AGPAT5: variants seen among roughly 807,000 people sequenced by gnomAD.
AGPAT5 encodes 1-acylglycerol-3-phosphate O-acyltransferase 5.
In AGPAT5, 46 loss-of-function variants were observed where a neutral mutation model predicts 45.6. The ratio of observed to expected loss-of-function variants is 1.01; its 90% CI spans 0.80 to 1.29. The LOEUF (loss-of-function observed/expected upper bound fraction) is 1.29. Among genes scored for constraint, AGPAT5 ranks in the 50% most tolerant of loss-of-function variants. The pLI is 0.00. For synonymous variants in AGPAT5, 272 were observed against 167.0 expected (o/e 1.63, Z -4.85); for missense variants, 673 against 450.7 (o/e 1.49, Z -4.47).
At chr8:6,729,827 A>G (rs1385236192) in intron 2 of AGPAT5, among the ~76,000 whole-genome samples, 3 of 152,208 alleles carry the variant, frequency 2.0e-5, no homozygotes, top group African/African-American at 7.2e-5. Context: ...CCCTTTGTTA[A>G]TAACATATTT....
intron 1 of AGPAT5, among the ~76,000 whole-genome samples, chr8:6,711,741 C>T (rs992813): frequency 0.71 from 107,287 of 152,056 alleles, 38,286 homozygotes; most frequent in African/African-American, 0.81. Flanking sequence ...AGGGGGAATC[C>T]GTTCTTGTGG....
intron 6 of AGPAT5, among the ~76,000 whole-genome samples, chr8:6,748,281 T>A (rs1021608455): frequency 2.6e-5 from 4 of 152,096 alleles, no homozygotes; most frequent in African/African-American, 9.7e-5. Context: ...ACATGTTAGG[T>A]TTTAAGAACC....
Position 6,724,927 on chromosome 8 carries a change from C to A in AGPAT5, c.277C>A (p.His93Asn). The A allele has an allele frequency of 8.6e-7, 1 of 1,160,608 alleles. No individual in the cohort carries two copies. Among genetic ancestry groups the A allele is most frequent in the Non-Finnish European group, 1.1e-6 (1 of 879,844 alleles). The allele number at this position is 1,160,608 out of a possible 1,614,324, so 71.9% of individuals were successfully genotyped here. ...AGAAAATATAATATATTTAGCAAAT[C>A]ATCAAAGCACAGGTTTGTATTTCAT... Reference protein sequence around the residue: ...NKENIIYLANHQSTVDWIVAD... With the variant: ...NKENIIYLANNQSTVDWIVAD... Residue 93 changes from histidine to asparagine, a missense_variant, in exon 2 of 8, where the codon CAT becomes AAT. Coordinates refer to ENST00000285518, the MANE Select transcript of AGPAT5 (RefSeq NM_018361.5).
intron 1 of AGPAT5, among the ~76,000 whole-genome samples, chr8:6,714,812 A>G (rs1447622724): frequency 6.6e-6 from 1 of 152,228 alleles, no homozygotes; most frequent in Non-Finnish European, 1.5e-5. Flanking sequence ...CCTCTGTGCC[A>G]TTACGATGGA....
At chr8:6,741,004 C>CAAAT (rs1801227900) in intron 4 of AGPAT5, among the ~76,000 whole-genome samples, 1 of 152,076 alleles carries the variant, frequency 6.6e-6, no homozygotes, top group Non-Finnish European at 1.5e-5. Flanking sequence ...TTTTTACTTT[C>CAAAT]CTAAGCAGAT....
At chr8:6,750,651 G>A (rs1355559951) in intron 6 of AGPAT5, among the ~76,000 whole-genome samples, 1 of 151,482 alleles carries the variant, frequency 6.6e-6, no homozygotes, top group Non-Finnish European at 1.5e-5. Flanking sequence ...AATGGGTAAA[G>A]AACAACAATA....
chr8:6,715,289 A>G (rs533675446), intron 1 of AGPAT5, among the ~76,000 whole-genome samples: 2 of 152,260 alleles, frequency 1.3e-5, no homozygotes, highest in African/African-American at 4.8e-5. Context: ...GGAGCTCTGT[A>G]AAAGGGCCAG....
intron 2 of AGPAT5, among the ~76,000 whole-genome samples, chr8:6,726,759 C>T (rs570180278): frequency 7.9e-5 from 12 of 152,280 alleles, no homozygotes; most frequent in Admixed American, 6.5e-4. Flanking sequence ...ACTTCCCCTT[C>T]CCTTCACCCT....
At chr8:6,708,958 C>G (rs935238925) in intron 1 of AGPAT5, 71 bp downstream of exon 1, 1 of 1,452,030 alleles carries the variant, frequency 6.9e-7, no homozygotes, top group Non-Finnish European at 9.4e-7. Context: ...CTCCGCTCCC[C>G]CACAGCTGGC....
chr8:6,729,931 C>A (rs1424943281), intron 2 of AGPAT5, among the ~76,000 whole-genome samples: 1 of 152,112 alleles, frequency 6.6e-6, no homozygotes, highest in East Asian at 1.9e-4. Context: ...GCATGTGAGA[C>A]CTTTGTTTGA....
chr8:6,730,825 A>G lies in AGPAT5; in HGVS notation c.404A>G (p.Gln135Arg), dbSNP rs201930945. 1.2e-6 allele frequency: 2 copies of G among 1,606,982 alleles called. No individual in the cohort carries two copies. The highest frequency in any genetic ancestry group is 3.3e-5 in the Admixed American group (2 of 59,838). Reference sequence around the variant, plus strand: ...CCATTGTATGGGTGTTACTTTGCTCAGGTAACTTGTTTCCATGCTTTTCTC... The same window carrying G: ...CCATTGTATGGGTGTTACTTTGCTCGGGTAACTTGTTTCCATGCTTTTCTC... ...WLPLYGCYFAQHGGIYVKRSA... is the reference protein window; with the variant it reads ...WLPLYGCYFARHGGIYVKRSA... The change falls in exon 3 of 8, where the codon CAG becomes CGG. Residue 135 changes from glutamine (Q) to arginine (R), a missense_variant and splice_region_variant. Transcript: ENST00000285518.
intron 1 of AGPAT5, among the ~76,000 whole-genome samples, chr8:6,716,879 A>G (rs918018588): frequency 6.6e-6 from 1 of 152,132 alleles, no homozygotes; most frequent in African/African-American, 2.4e-5. Context: ...AAGGCAGAGT[A>G]CTCTAGGGAA....
chr8:6,750,960 TA>T (rs1801637567), intron 6 of AGPAT5, among the ~76,000 whole-genome samples: 1 of 152,246 alleles, frequency 6.6e-6, no homozygotes. Flanking sequence ...CGTGTGCACA[TA>T]AGATATAATA....
intron 1 of AGPAT5, among the ~76,000 whole-genome samples, chr8:6,723,738 T>C (rs1212206967): frequency 6.6e-6 from 1 of 152,218 alleles, no homozygotes; most frequent in African/African-American, 2.4e-5. Context: ...CTGTGCAGTT[T>C]CTAAGGAAAG....
At chr8:6,751,140 C>G (rs1243377058) in intron 6 of AGPAT5, among the ~76,000 whole-genome samples, 2 of 151,926 alleles carry the variant, frequency 1.3e-5, no homozygotes, top group African/African-American at 4.8e-5. Context: ...TTAAGAGTCA[C>G]TTTAAATTAT....
chr8:6,733,186 C>T (rs145312448), intron 4 of AGPAT5, among the ~76,000 whole-genome samples: 2 of 152,350 alleles, frequency 1.3e-5, no homozygotes, highest in Non-Finnish European at 2.9e-5. Context: ...CTGATTGCTG[C>T]CAAAGGCTTT....
rs1469389699 is a variant in AGPAT5, at chr8:6,760,950, TTAGAG to T, written c.*3566_*3570del. Among the ~76,000 whole-genome samples the T allele has an allele frequency of 2.0e-5, 3 of 152,182 alleles. No individual in the cohort carries two copies. Among genetic ancestry groups the T allele is most frequent in the Non-Finnish European group, 4.4e-5 (3 of 68,018 alleles). Reference sequence around the variant, plus strand: ...CTGTACAATCGCTAATTTACTCAGTTTAGAGTAGCTACAACTCTTCGATACTATCA... The same window carrying T: ...CTGTACAATCGCTAATTTACTCAGTTTAGCTACAACTCTTCGATACTATCA... On this transcript the variant is annotated 3_prime_UTR_variant, in exon 8 of 8. Coordinates refer to ENST00000285518, the MANE Select transcript of AGPAT5 (RefSeq NM_018361.5).
chr8:6,752,173 C>T (rs1801678314), intron 6 of AGPAT5, among the ~76,000 whole-genome samples: 1 of 151,262 alleles, frequency 6.6e-6, no homozygotes. Context: ...CAAGAATCCG[C>T]CTAAAAAAAA....
Position 6,755,031 on chromosome 8 carries a change from T to C in AGPAT5, c.746-20T>C. The C allele has an allele frequency of 4.5e-6, 7 of 1,551,328 alleles. No homozygotes were observed. The highest frequency in any genetic ancestry group is 6.1e-6 in the Non-Finnish European group (7 of 1,149,262). On this transcript the variant is annotated intron_variant, in intron 6 of 7. Transcript: ENST00000285518. ...GTTCTAAAATAGTAAAAAAAAAGAA[T>C]TATTTTTGTTCTTTGTTAGAATTTC...
Sources: allele counts gnomAD v4.1 joint callset (sites outside exome capture counted in the v4.1 genomes callset), GRCh38; gene constraint gnomAD v4.1.1; transcripts MANE v1.5; gene names NCBI Gene and HGNC (gene_info 2026-07-23, HGNC 2026-07-21).